The following SNTG2 variants were observed in gnomAD, a reference collection of about 807,000 sequenced individuals.
The protein encoded by SNTG2 is gamma-2-syntrophin.
In SNTG2, 74 loss-of-function variants were observed where a neutral mutation model predicts 70.9. That is an observed-to-expected ratio of 1.04 (90% CI 0.86 to 1.27). The LOEUF (loss-of-function observed/expected upper bound fraction) is 1.27, where lower values mean the gene tolerates loss of function less well. Among genes scored for constraint, SNTG2 ranks in the 50% most tolerant of loss-of-function variants. The pLI, the probability that SNTG2 is intolerant of heterozygous loss-of-function variation, is 0.00. For synonymous variants in SNTG2, 278 were observed against 273.8 expected, an observed-to-expected ratio of 1.02 and a Z score of -0.15; for missense variants, 717 against 690.7, an observed-to-expected ratio of 1.04 and a Z score of -0.43.
chr2:1,141,848 G>A (rs4456734), intron 6 of SNTG2, among the ~76,000 whole-genome samples: 150,128 of 152,132 alleles, frequency 0.99, 74,107 homozygotes, highest in East Asian at 1. Context: ...GGATGAGTCC[G>A]AGACAAAGGC....
intron 1 of SNTG2, among the ~76,000 whole-genome samples, chr2:1,040,053 G>T (rs1661345301): frequency 6.6e-6 from 1 of 152,152 alleles, no homozygotes; most frequent in Admixed American, 6.5e-5. Flanking sequence ...TGCTTTGCAG[G>T]ATTGGCCTGT....
In SNTG2 at chr2:1,066,976, T is replaced by G. The variant is rs1209557205; in HGVS notation, c.73-16542T>G. ...GTGACCCAGCACTGCACTGTACGTT[T>G]GTTAGCTGTTCCTGGGCCAAATGCA... On this transcript the variant is annotated intron_variant, in intron 1 of 16. Transcript: ENST00000308624. Among the ~76,000 whole-genome samples, 3 of 152,202 alleles carry G rather than the reference T, an allele frequency of 2.0e-5. No homozygotes were observed. The South Asian group carries it at 6.2e-4, about 32-fold the overall frequency.
intron 1 of SNTG2, among the ~76,000 whole-genome samples, chr2:1,032,551 T>A (rs915085725): frequency 2.6e-5 from 4 of 152,218 alleles, no homozygotes; most frequent in African/African-American, 9.6e-5. Flanking sequence ...ATTCACATAA[T>A]GATAAGATAT....
At chr2:1,254,311 C>G (rs1677925726) in intron 12 of SNTG2, among the ~76,000 whole-genome samples, 1 of 152,188 alleles carries the variant, frequency 6.6e-6, no homozygotes, top group Admixed American at 6.5e-5. Context: ...CCGGGACTCT[C>G]AACAACTCAC....
intron 1 of SNTG2, among the ~76,000 whole-genome samples, chr2:1,031,175 A>G (rs1660794146): frequency 1.3e-5 from 2 of 152,150 alleles, no homozygotes; most frequent in Admixed American, 6.5e-5. Context: ...AGCAAATATA[A>G]AAGCAGCCAC....
At chr2:1,256,216 A>G (rs547731164) in intron 12 of SNTG2, among the ~76,000 whole-genome samples, 2 of 152,008 alleles carry the variant, frequency 1.3e-5, no homozygotes, top group Non-Finnish European at 2.9e-5. Context: ...GGGTTTCTGT[A>G]TATGCTCCAT....
At chr2:1,064,860 C>T (rs1427496046) in intron 1 of SNTG2, among the ~76,000 whole-genome samples, 1 of 152,126 alleles carries the variant, frequency 6.6e-6, no homozygotes, top group Non-Finnish European at 1.5e-5. Flanking sequence ...ACAAGGACTT[C>T]AGTTAAAAAG....
At chr2:1,041,924 AT>A (rs1462712383) in intron 1 of SNTG2, among the ~76,000 whole-genome samples, 2 of 152,086 alleles carry the variant, frequency 1.3e-5, no homozygotes, top group Non-Finnish European at 2.9e-5. Flanking sequence ...CTTTTGGTTG[AT>A]TTTCTAAGCC....
At chr2:1,337,421 T>A (rs1392990825) in intron 16 of SNTG2, among the ~76,000 whole-genome samples, 1 of 152,176 alleles carries the variant, frequency 6.6e-6, no homozygotes, top group Non-Finnish European at 1.5e-5. Flanking sequence ...GGAGTTTTAT[T>A]TGTATCTTCT....
At chr2:1,169,220 T>C (rs1233392987) in intron 7 of SNTG2, among the ~76,000 whole-genome samples, 1 of 151,932 alleles carries the variant, frequency 6.6e-6, no homozygotes, top group Non-Finnish European at 1.5e-5. Flanking sequence ...GAGAAGATAG[T>C]GGCTTGGACA....
chr2:1,198,663 A>G (rs1673079970), intron 8 of SNTG2, among the ~76,000 whole-genome samples: 1 of 152,086 alleles, frequency 6.6e-6, no homozygotes, highest in South Asian at 2.1e-4. Context: ...TAAACAAAAA[A>G]TAGAAGATCC....
intron 6 of SNTG2, among the ~76,000 whole-genome samples, chr2:1,149,672 G>GTTTTT (rs1221169268): frequency 3.4e-5 from 5 of 146,468 alleles, no homozygotes; most frequent in African/African-American, 1.3e-4. Context: ...GTTGATTAGC[G>GTTTTT]TTTTTTTTTT....
chr2:1,232,521 C>T (rs1215780146), intron 9 of SNTG2, among the ~76,000 whole-genome samples: 18 of 152,108 alleles, frequency 1.2e-4, no homozygotes, highest in Admixed American at 1.2e-3. Flanking sequence ...TGGTCTTGAA[C>T]TCCTGACCTC....
At chr2:1,308,650 G>A (rs1225855160) in intron 15 of SNTG2, 64 bp downstream of exon 15, 16 of 1,334,216 alleles carry the variant, frequency 1.2e-5, no homozygotes, top group African/African-American at 1.5e-5. Context: ...TTCCATGGGC[G>A]TTAACACTCA....
At chr2:1,055,968 C>T (rs1271798135) in intron 1 of SNTG2, among the ~76,000 whole-genome samples, 1 of 152,120 alleles carries the variant, frequency 6.6e-6, no homozygotes, top group Non-Finnish European at 1.5e-5. Flanking sequence ...AGGGTCTGAT[C>T]TGTCCTGGAC....
intron 1 of SNTG2, among the ~76,000 whole-genome samples, chr2:1,077,684 C>T (rs1664012267): frequency 1.3e-5 from 2 of 152,138 alleles, no homozygotes; most frequent in African/African-American, 2.4e-5. Context: ...CACACATCCC[C>T]GCACACAAAC....
chr2:1,047,283 G>A (rs1442356923), intron 1 of SNTG2, among the ~76,000 whole-genome samples: 1 of 152,126 alleles, frequency 6.6e-6, no homozygotes, highest in African/African-American at 2.4e-5. Flanking sequence ...TTTGGCTTGG[G>A]TTTCAACTTT....
intron 1 of SNTG2, among the ~76,000 whole-genome samples, chr2:1,071,488 C>T (rs1663545490): frequency 8.8e-6 from 1 of 113,280 alleles, no homozygotes; most frequent in South Asian, 3.1e-4. Flanking sequence ...ATATCACACT[C>T]TGGGGACTGT....
intron 16 of SNTG2, among the ~76,000 whole-genome samples, chr2:1,321,281 C>T (rs1028208826): frequency 2.0e-5 from 3 of 152,130 alleles, no homozygotes; most frequent in African/African-American, 7.2e-5. Context: ...AGAGGTTGTG[C>T]CTTGAAAGCA....
Sources: allele counts gnomAD v4.1 joint callset (sites outside exome capture counted in the v4.1 genomes callset), GRCh38; gene constraint gnomAD v4.1.1; transcripts MANE v1.5; gene names NCBI Gene and HGNC (gene_info 2026-07-23, HGNC 2026-07-21).